The following PPFIBP1 variants were observed in gnomAD, a reference collection of about 807,000 sequenced individuals.
The protein encoded by PPFIBP1 is liprin-beta-1.
Under a neutral mutation model 137.8 loss-of-function variants are expected in PPFIBP1, and 112 were observed. The ratio of observed to expected loss-of-function variants is 0.81; its 90% CI spans 0.70 to 0.95. The LOEUF is 0.95. Among genes scored for constraint, PPFIBP1 ranks in the 40% least tolerant of loss-of-function variants. The pLI, the probability that PPFIBP1 is intolerant of heterozygous loss-of-function variation, is 0.00. For synonymous variants in PPFIBP1, 378 were observed against 417.3 expected (o/e 0.91, Z 1.15); for missense variants, 1,083 against 1,196.6 (o/e 0.91, Z 1.40).
intron 1 of PPFIBP1, among the ~76,000 whole-genome samples, chr12:27,556,740 A>G (rs1158662244): frequency 1.3e-5 from 2 of 152,170 alleles, no homozygotes; most frequent in East Asian, 1.9e-4. Flanking sequence ...AAGTTAGAAG[A>G]CTGTCTCTCA....
At chr12:27,585,549 G>C (rs747674862) in intron 2 of PPFIBP1, among the ~76,000 whole-genome samples, 21 of 152,228 alleles carry the variant, frequency 1.4e-4, no homozygotes, top group Non-Finnish European at 2.2e-4. Context: ...CTGTGTACAA[G>C]AAACTGGGCC....
At chr12:27,669,495 G>T (rs1270200258) in intron 13 of PPFIBP1, among the ~76,000 whole-genome samples, 1 of 152,202 alleles carries the variant, frequency 6.6e-6, no homozygotes, top group Non-Finnish European at 1.5e-5. Context: ...TTTGATGAGG[G>T]TTGAGGGAGT....
At chr12:27,613,961 C>A (rs1216140827) in intron 2 of PPFIBP1, among the ~76,000 whole-genome samples, 1 of 152,168 alleles carries the variant, frequency 6.6e-6, no homozygotes, top group Non-Finnish European at 1.5e-5. Context: ...GGACTCCACA[C>A]CCCAGGTCCA....
intron 2 of PPFIBP1, among the ~76,000 whole-genome samples, chr12:27,595,732 T>G (rs983972079): frequency 7.2e-5 from 11 of 151,862 alleles, no homozygotes; most frequent in Middle Eastern, 3.4e-3. Context: ...CCCATGCCTG[T>G]AATCCCAGCT....
At position 27,577,047 on chromosome 12, in the gene PPFIBP1, A is replaced by T. The variant is rs374383198; in HGVS notation, c.-123-1105A>T. ...ATTGGTGTGTATATATGGGCCATATATGAAGCCAGTGGTAGGAGAAAGAGG... is the reference window on the plus strand; with the variant it reads ...ATTGGTGTGTATATATGGGCCATATTTGAAGCCAGTGGTAGGAGAAAGAGG... On this transcript the variant is annotated intron_variant, in intron 1 of 29. Transcript: ENST00000228425. 1.4e-3 allele frequency among the ~76,000 whole-genome samples: 212 copies of T among 152,286 alleles called. 3 individuals carry two copies. In the South Asian group the frequency reaches 0.038, roughly 27 times the overall value.
chr12:27,686,707 T>A (rs1339542051), intron 24 of PPFIBP1, among the ~76,000 whole-genome samples: 1 of 152,194 alleles, frequency 6.6e-6, no homozygotes, highest in African/African-American at 2.4e-5. Flanking sequence ...AGCACTGTTC[T>A]GATTTTCCCC....
At chr12:27,529,692 T>G (rs1944192364) in intron 1 of PPFIBP1, among the ~76,000 whole-genome samples, 1 of 152,212 alleles carries the variant, frequency 6.6e-6, no homozygotes, top group Admixed American at 6.5e-5. Context: ...AGACTCTGTC[T>G]AAAATAATAA....
chr12:27,611,241 A>T (rs1003506036), intron 2 of PPFIBP1, among the ~76,000 whole-genome samples: 3 of 152,210 alleles, frequency 2.0e-5, no homozygotes, highest in Admixed American at 2.0e-4. Flanking sequence ...TTTTCAGGCC[A>T]GCTGCACTTT....
At chr12:27,631,985 T>G (rs2057303997) in intron 2 of PPFIBP1, among the ~76,000 whole-genome samples, 1 of 151,804 alleles carries the variant, frequency 6.6e-6, no homozygotes, top group African/African-American at 2.4e-5. Context: ...GTGAATAAAT[T>G]TTTTGGAATG....
intron 27 of PPFIBP1, among the ~76,000 whole-genome samples, chr12:27,690,124 G>A (rs2061440892): frequency 6.6e-6 from 1 of 151,520 alleles, no homozygotes; most frequent in Non-Finnish European, 1.5e-5. Context: ...TGAAGGAACA[G>A]TTGACCCTTG....
chr12:27,574,324 G>C (rs1030505453), intron 1 of PPFIBP1, among the ~76,000 whole-genome samples: 5 of 152,104 alleles, frequency 3.3e-5, no homozygotes, highest in African/African-American at 7.2e-5. Flanking sequence ...GAAACTTGGT[G>C]GGGGGTAAGA....
intron 1 of PPFIBP1, among the ~76,000 whole-genome samples, chr12:27,555,664 A>G (rs2048648582): frequency 6.6e-6 from 1 of 152,230 alleles, no homozygotes; most frequent in South Asian, 2.1e-4. Context: ...TGGCGATGAT[A>G]TAGCACGTAC....
At chr12:27,585,543 G>A (rs2051634637) in intron 2 of PPFIBP1, among the ~76,000 whole-genome samples, 2 of 152,208 alleles carry the variant, frequency 1.3e-5, no homozygotes, top group South Asian at 4.1e-4. Flanking sequence ...GAGCTACTGT[G>A]TACAAGAAAC....
intron 9 of PPFIBP1, among the ~76,000 whole-genome samples, chr12:27,658,373 G>A (rs1299894779): frequency 6.6e-6 from 1 of 152,122 alleles, no homozygotes; most frequent in Admixed American, 6.6e-5. Context: ...TACTGGACAG[G>A]AGATAGACCC....
Position 27,694,841 on chromosome 12 carries a change from A to G in PPFIBP1, c.*1959A>G, listed in dbSNP as rs188143172. ...TCAGTATCTGCCACTGGACTTGATTATAAACTGTATTTGAATATCAGTGGT... is the reference window on the plus strand; with the variant it reads ...TCAGTATCTGCCACTGGACTTGATTGTAAACTGTATTTGAATATCAGTGGT... On this transcript the variant is annotated 3_prime_UTR_variant, in exon 30 of 30. Coordinates refer to ENST00000228425, the MANE Select transcript of PPFIBP1 (RefSeq NM_003622.4). The G allele has an allele frequency of 2.6e-5, 4 of 152,352 alleles. No homozygotes were observed. The highest frequency in any genetic ancestry group is 5.9e-5 in the Non-Finnish European group (4 of 68,032). The allele number at this position is 152,352 out of a possible 1,614,324, so 9.4% of individuals were successfully genotyped here. A position where few individuals can be genotyped will look rare whatever the true frequency, so the allele number is the denominator to read the frequency against.
rs963038373 is a variant in PPFIBP1 at position 27,669,720 on chromosome 12, T to C, written c.1147-1711T>C. On this transcript the variant is annotated intron_variant, in intron 13 of 29. Coordinates refer to ENST00000228425, the MANE Select transcript of PPFIBP1 (RefSeq NM_003622.4). ...TAAAGATTCAAACTGAAAAGATTGA[T>C]AGTTAAATAATCTGCTACTTTATAA... 3.3e-5 allele frequency among the ~76,000 whole-genome samples: 5 copies of C among 152,250 alleles called. No homozygotes were observed. The South Asian group carries it at 8.3e-4, about 25-fold the overall frequency.
At chr12:27,647,306 CCCCCCTA>C (rs1224183092) in intron 5 of PPFIBP1, among the ~76,000 whole-genome samples, 2 of 141,792 alleles carry the variant, frequency 1.4e-5, no homozygotes, top group African/African-American at 5.7e-5. Context: ...TGCTACCTCT[CCCCCCTA>C]CCCCTGGCCA....
intron 17 of PPFIBP1, 134 bp from the exon 18 acceptor site, chr12:27,676,294 G>T: frequency 1.7e-6 from 1 of 601,862 alleles, no homozygotes. Context: ...TGACATTGGT[G>T]ATCAATGTAT....
intron 1 of PPFIBP1, among the ~76,000 whole-genome samples, chr12:27,544,157 T>C (rs1305225856): frequency 6.6e-6 from 1 of 152,154 alleles, no homozygotes; most frequent in Non-Finnish European, 1.5e-5. Flanking sequence ...GCTGAAATTA[T>C]AGGCATGAGC....
Sources: gnomAD v4.1 joint callset for allele counts (sites outside exome capture counted in the v4.1 genomes callset) on GRCh38, gnomAD v4.1.1 for gene constraint, MANE v1.5 for transcripts, NCBI Gene and HGNC (gene_info 2026-07-23, HGNC 2026-07-21) for gene names.